Variants in PPFIBP1 observed in about 807,000 individuals in gnomAD.
PPFIBP1 encodes PPFIB scaffold protein 1.
A neutral mutation model predicts 137.8 loss-of-function variants in PPFIBP1; 112 were observed. That is an observed-to-expected ratio of 0.81 (90% confidence interval 0.70 to 0.95). The LOEUF is 0.95. Ranked by LOEUF, PPFIBP1 falls within the 40% of genes least tolerant of loss-of-function variation. The pLI is 0.00. For missense variants in PPFIBP1, 1,083 were observed against 1,196.6 expected (o/e 0.91, Z 1.40); for synonymous variants, 378 against 417.3 (o/e 0.91, Z 1.15).
At chr12:27,594,126 G>T in intron 2 of PPFIBP1, 2 of 702,384 alleles carry the variant, frequency 2.8e-6, no homozygotes, top group Non-Finnish European at 4.0e-6. Context: ...GGACCGGGGA[G>T]AAGAGAATCA....
chr12:27,685,311 T>G (rs1383904166), intron 24 of PPFIBP1, among the ~76,000 whole-genome samples: 1 of 152,020 alleles, frequency 6.6e-6, no homozygotes, highest in African/African-American at 2.4e-5. Flanking sequence ...TCTGTGTATC[T>G]ATAGTATTAT....
chr12:27,599,500 CTCTCTCCTTTCTCTT>C (rs2053723507), intron 2 of PPFIBP1: 1 of 455,910 alleles, frequency 2.2e-6, no homozygotes, highest in Non-Finnish European at 4.4e-6. Flanking sequence ...TCCTTAAAAT[CTCTCTCCTTTCTCTT>C]TCTCTCCTTC....
intron 22 of PPFIBP1, 108 bp downstream of exon 22, chr12:27,681,804 C>A: frequency 7.7e-7 from 1 of 1,295,398 alleles, no homozygotes; most frequent in Non-Finnish European, 1.0e-6. Flanking sequence ...CCAGTAAAAA[C>A]TCTGTAAACA....
intron 10 of PPFIBP1, among the ~76,000 whole-genome samples, chr12:27,659,305 C>T (rs1469719394): frequency 6.6e-6 from 1 of 152,172 alleles, no homozygotes; most frequent in Non-Finnish European, 1.5e-5. Flanking sequence ...GTTGTTACAA[C>T]AGAGATTGAA....
At chr12:27,595,109 A>T (rs1290330069) in intron 2 of PPFIBP1, among the ~76,000 whole-genome samples, 1 of 152,222 alleles carries the variant, frequency 6.6e-6, no homozygotes, top group Non-Finnish European at 1.5e-5. Context: ...GCTGGTTGAT[A>T]CCAAATTACT....
intron 19 of PPFIBP1, among the ~76,000 whole-genome samples, chr12:27,678,210 G>A (rs1034693542): frequency 1.3e-5 from 2 of 152,178 alleles, no homozygotes; most frequent in African/African-American, 2.4e-5. Context: ...GAAGACAACA[G>A]TAGCCCTTGT....
Position 27,581,175 on chromosome 12 carries a change from G to A in PPFIBP1, c.-36+2936G>A, listed in dbSNP as rs149821558. Among the ~76,000 whole-genome samples the A allele has an allele frequency of 2.0e-3, 312 of 152,298 alleles. 3 individuals carry two copies. The South Asian group carries it at 0.036, about 18-fold the overall frequency. On this transcript the variant is annotated intron_variant, in intron 2 of 29. Transcript: ENST00000228425. ...CTCCCACAGTGCTGAGATTATAAGC[G>A]TGAGCCACTGCTCCCAGCTGTACCT...
intron 1 of PPFIBP1, among the ~76,000 whole-genome samples, chr12:27,531,303 A>AT (rs1003972825): frequency 7.3e-5 from 11 of 150,994 alleles, no homozygotes; most frequent in South Asian, 2.1e-4. Context: ...AATTATTATT[A>AT]TTTTTTTTTG....
rs145669002 is a variant in PPFIBP1 at position 27,620,284 on chromosome 12, T to C, written c.-35-13078T>C. Among the ~76,000 whole-genome samples, 612 of 152,178 alleles carry C rather than the reference T, an allele frequency of 4.0e-3. 3 individuals are homozygous for C. The highest frequency in any genetic ancestry group is 0.014 in the Middle Eastern group (4 of 294). On this transcript the variant is annotated intron_variant, in intron 2 of 29. Coordinates refer to ENST00000228425, the MANE Select transcript of PPFIBP1 (RefSeq NM_003622.4). ...CCTGGCTGCCATGGAGGCCCCAGAT[T>C]CCACTACCCCACCACTCCCACCACG...
intron 1 of PPFIBP1, among the ~76,000 whole-genome samples, chr12:27,563,901 C>G (rs2136458490): frequency 6.8e-6 from 1 of 147,600 alleles, no homozygotes; most frequent in South Asian, 2.2e-4. Context: ...GAGACGGAGT[C>G]TCTCTCTGTC....
intron 24 of PPFIBP1, among the ~76,000 whole-genome samples, chr12:27,686,694 A>G (rs78670825): frequency 0.011 from 1,688 of 152,284 alleles, 37 homozygotes; most frequent in African/African-American, 0.039. Flanking sequence ...ATAGTATAAT[A>G]AGAGCACTGT....
intron 1 of PPFIBP1, among the ~76,000 whole-genome samples, chr12:27,550,442 T>C (rs1014808540): frequency 1.3e-5 from 2 of 152,258 alleles, no homozygotes; most frequent in African/African-American, 4.8e-5. Flanking sequence ...TTAAGTCATA[T>C]GTAAATTTTT....
At chr12:27,581,174 C>G (rs1444715211) in intron 2 of PPFIBP1, among the ~76,000 whole-genome samples, 3 of 152,150 alleles carry the variant, frequency 2.0e-5, no homozygotes, top group African/African-American at 7.2e-5. Flanking sequence ...AGATTATAAG[C>G]GTGAGCCACT....
Position 27,676,491 on chromosome 12 carries a change from A to C in PPFIBP1, c.1474A>C (p.Thr492Pro). The C allele has an allele frequency of 6.2e-7, 1 of 1,606,036 alleles. No individual in the cohort carries two copies. Reference sequence around the variant, plus strand: ...TCCTCCCAGGCCCCCAGGGCAGGACACCTCCATGGATGACAACCCCTTCGG... The same window carrying C: ...TCCTCCCAGGCCCCCAGGGCAGGACCCCTCCATGGATGACAACCCCTTCGG... Reference protein sequence around the residue: ...TLPPRPPGQDTSMDDNPFGTR... With the variant: ...TLPPRPPGQDPSMDDNPFGTR... The change falls in exon 18 of 30, where the codon ACC (threonine) becomes CCC (proline). Residue 492 changes from threonine to proline, a missense_variant. Physicochemically the swap from Thr to Pro is conservative, Grantham distance 38. Transcript: ENST00000228425.
intron 13 of PPFIBP1, among the ~76,000 whole-genome samples, chr12:27,668,424 G>T (rs1160038537): frequency 5.3e-5 from 8 of 152,200 alleles, no homozygotes; most frequent in Non-Finnish European, 1.2e-4. Flanking sequence ...GGTGTCACCA[G>T]TCCATAGCAA....
chr12:27,679,543 G>A lies in PPFIBP1; in HGVS notation c.1670G>A (p.Arg557Gln), dbSNP rs200486013. The A allele has an allele frequency of 3.5e-5, 57 of 1,613,926 alleles. No homozygotes were observed. Among genetic ancestry groups the A allele is most frequent in the Middle Eastern group, 1.6e-4 (1 of 6,062 alleles). The change falls in exon 20 of 30, where the codon CGG (arginine) becomes CAG (glutamine). Residue 557 changes from arginine to glutamine, a missense_variant. Physicochemically the swap from Arg to Gln is conservative, Grantham distance 43. Transcript: ENST00000228425. The stretch of plus-strand genomic sequence containing the variant: ...CTAGATCTGGCTGGTGCTTCTTCTC[G>A]GCCAAAAGATTCACAGAGGAACAGT... ...EHLDLAGASS[R>Q]PKDSQRNSPF...
intron 1 of PPFIBP1, among the ~76,000 whole-genome samples, chr12:27,558,674 T>G (rs1356366794): frequency 1.3e-5 from 2 of 152,074 alleles, no homozygotes; most frequent in Non-Finnish European, 2.9e-5. Flanking sequence ...TGCGTATGTT[T>G]GATCTTCAGC....
intron 1 of PPFIBP1, among the ~76,000 whole-genome samples, chr12:27,543,256 T>C (rs1194326161): frequency 6.6e-6 from 1 of 152,236 alleles, no homozygotes; most frequent in Non-Finnish European, 1.5e-5. Flanking sequence ...GTAACTACTA[T>C]AAATACTTTA....
chr12:27,621,501 T>C lies in PPFIBP1; in HGVS notation c.-35-11861T>C, dbSNP rs530415430. 2.0e-5 allele frequency among the ~76,000 whole-genome samples: 3 copies of C among 152,368 alleles called. No homozygotes were observed. In the South Asian group the frequency reaches 6.2e-4, roughly 32 times the overall value. ...CAAATTTTCCATATGTCTCTTAATA[T>C]TGTAATAGGAAATAACAATGTTAAG... On this transcript the variant is annotated intron_variant, in intron 2 of 29. Transcript: ENST00000228425.
Sources: allele counts gnomAD v4.1 joint callset (sites outside exome capture counted in the v4.1 genomes callset), GRCh38; gene constraint gnomAD v4.1.1; transcripts MANE v1.5; gene names NCBI Gene and HGNC (gene_info 2026-07-23, HGNC 2026-07-21).